PRKCI: variants seen among roughly 807,000 people sequenced by gnomAD.
PRKCI encodes the protein protein kinase C iota type.
Under a neutral mutation model 84.0 loss-of-function variants are expected in PRKCI, and 43 were observed. The ratio of observed to expected loss-of-function variants is 0.51; its 90% CI spans 0.40 to 0.66. PRKCI has a LOEUF of 0.66. Among genes scored for constraint, PRKCI ranks in the 30% least tolerant of loss-of-function variants. The pLI is 0.00. For missense variants in PRKCI, 459 were observed against 745.6 expected, an observed-to-expected ratio of 0.62 and a Z score of 4.48; for synonymous variants, 216 against 234.4, an observed-to-expected ratio of 0.92 and a Z score of 0.72.
rs770189346 is a variant in PRKCI at position 170,291,850 on chromosome 3, A to C, written c.1204-4A>C. On this transcript the variant is annotated splice_region_variant and splice_polypyrimidine_tract_variant and intron_variant, in intron 12 of 17. Transcript: ENST00000295797. Reference sequence around the variant, plus strand: ...TTCTTTCTTTCTGTTCTTTTTAATAAAAGGAAGGATTACGGCCAGGAGATA... The same window carrying C: ...TTCTTTCTTTCTGTTCTTTTTAATACAAGGAAGGATTACGGCCAGGAGATA... 3 of 1,593,172 alleles carry C rather than the reference A, an allele frequency of 1.9e-6. No individual in the cohort carries two copies. Among genetic ancestry groups the C allele is most frequent in the Middle Eastern group, 1.7e-4 (1 of 5,998 alleles).
intron 12 of PRKCI, among the ~76,000 whole-genome samples, chr3:170,288,401 A>G (rs2108863151): frequency 6.6e-6 from 1 of 152,316 alleles, no homozygotes; most frequent in East Asian, 1.9e-4. Flanking sequence ...TTTATCGAGT[A>G]GGTCTTTAAA....
intron 11 of PRKCI, among the ~76,000 whole-genome samples, chr3:170,283,488 G>T (rs1368654511): frequency 1.3e-5 from 2 of 152,070 alleles, no homozygotes; most frequent in Non-Finnish European, 2.9e-5. Context: ...GCCAACCTGG[G>T]TTTTTTGTTT....
intron 16 of PRKCI, among the ~76,000 whole-genome samples, chr3:170,298,281 C>T (rs781532403): frequency 6.6e-6 from 1 of 152,030 alleles, no homozygotes; most frequent in African/African-American, 2.4e-5. Flanking sequence ...AGTCCGTTGC[C>T]CAGGCTGTAG....
intron 13 of PRKCI, among the ~76,000 whole-genome samples, chr3:170,293,092 A>G (rs1734601438): frequency 6.6e-6 from 1 of 151,912 alleles, no homozygotes; most frequent in Non-Finnish European, 1.5e-5. Context: ...CAATTTAATT[A>G]TATCCTCAAC....
At chr3:170,277,352 C>CA (rs1242875774) in intron 8 of PRKCI, among the ~76,000 whole-genome samples, 2 of 151,954 alleles carry the variant, frequency 1.3e-5, no homozygotes, top group African/African-American at 4.8e-5. Context: ...CACTAATTAT[C>CA]AGAGAAATAG....
intron 16 of PRKCI, among the ~76,000 whole-genome samples, chr3:170,297,850 CAAA>C (rs778157174): frequency 1.1e-4 from 16 of 148,662 alleles, no homozygotes; most frequent in Non-Finnish European, 1.2e-4. Context: ...ACTTTTAAAA[CAAA>C]AAAAAAATTC....
intron 2 of PRKCI, among the ~76,000 whole-genome samples, chr3:170,242,891 G>T (rs891388333): frequency 1.3e-5 from 2 of 151,868 alleles, no homozygotes; most frequent in African/African-American, 2.4e-5. Flanking sequence ...GGCTGGTCTC[G>T]AACTCCAGAC....
chr3:170,235,216 C>CT lies in PRKCI; in HGVS notation c.102-10dup, dbSNP rs759436279. 2.5e-6 allele frequency: 4 copies of CT among 1,610,852 alleles called. No individual in the cohort carries two copies. The highest frequency in any genetic ancestry group is 3.4e-6 in the Non-Finnish European group (4 of 1,177,658). On this transcript the variant is annotated splice_polypyrimidine_tract_variant and intron_variant, in intron 1 of 17. Coordinates refer to ENST00000295797, the MANE Select transcript of PRKCI (RefSeq NM_002740.6). The stretch of plus-strand genomic sequence containing the variant: ...TTAATCATTTTCAAACTGAAAACTC[C>CT]TTTTCTTTTTCAGGGATATCATGAT...
chr3:170,293,559 T>A, intron 14 of PRKCI, 51 bp downstream of exon 14: 2 of 1,567,928 alleles, frequency 1.3e-6, no homozygotes, highest in Non-Finnish European at 1.7e-6. Flanking sequence ...TATTCTAGAG[T>A]ACAAATGAGA....
At chr3:170,250,691 G>A (rs73034353) in intron 2 of PRKCI, among the ~76,000 whole-genome samples, 5,476 of 152,126 alleles carry the variant, frequency 0.036, 161 homozygotes, top group East Asian at 0.085. Context: ...GAGTAATGTT[G>A]CTACGAACAT....
Position 170,222,714 on chromosome 3 carries a change from A to AGGC in PRKCI, c.52_54dup (p.Gly18dup), listed in dbSNP as rs766369418. 1 of 1,607,126 alleles carries AGGC rather than the reference A, an allele frequency of 6.2e-7. No homozygotes were observed. The highest frequency in any genetic ancestry group is 1.3e-5 in the African/African-American group (1 of 74,682). On this transcript the variant is annotated inframe_insertion, in exon 1 of 18. Coordinates refer to ENST00000295797, the MANE Select transcript of PRKCI (RefSeq NM_002740.6). ...GCAGCACCATGTCCCACACGGTCGCAGGCGGCGGCAGCGGGGACCATTCCC... is the reference window on the plus strand; with the variant it reads ...GCAGCACCATGTCCCACACGGTCGCAGGCGGCGGCGGCAGCGGGGACCATTCCC...
chr3:170,271,050 A>C (rs933251872), intron 6 of PRKCI, among the ~76,000 whole-genome samples: 1 of 152,192 alleles, frequency 6.6e-6, no homozygotes, highest in African/African-American at 2.4e-5. Context: ...CGAAAAAAAT[A>C]CAGAATACAG....
chr3:170,278,221 T>C (rs955403878), intron 8 of PRKCI, among the ~76,000 whole-genome samples: 2 of 152,216 alleles, frequency 1.3e-5, no homozygotes, highest in African/African-American at 4.8e-5. Context: ...GATTCTCTCT[T>C]ATAGTTTCCA....
chr3:170,234,223 G>T (rs372237203), intron 1 of PRKCI, among the ~76,000 whole-genome samples: 27 of 151,444 alleles, frequency 1.8e-4, no homozygotes, highest in African/African-American at 6.5e-4. Context: ...TAGAGTCAGG[G>T]TTTCTCCATA....
intron 4 of PRKCI, among the ~76,000 whole-genome samples, chr3:170,266,693 C>A (rs1460580004): frequency 6.6e-6 from 1 of 152,116 alleles, no homozygotes; most frequent in Non-Finnish European, 1.5e-5. Context: ...AAAAAGTGAG[C>A]TTTGAAAGTC....
At chr3:170,238,332 C>T (rs920860846) in intron 2 of PRKCI, among the ~76,000 whole-genome samples, 3 of 151,842 alleles carry the variant, frequency 2.0e-5, no homozygotes, top group African/African-American at 7.3e-5. Context: ...CGTTGTACTC[C>T]TGCCTGGGCA....
intron 8 of PRKCI, among the ~76,000 whole-genome samples, chr3:170,278,718 A>G (rs1164646237): frequency 2.0e-5 from 3 of 152,200 alleles, no homozygotes; most frequent in African/African-American, 7.2e-5. Context: ...TTTATACAAG[A>G]TTTATTTGGT....
intron 14 of PRKCI, 64 bp from the exon 15 acceptor site, chr3:170,295,847 A>G (rs1734675289): frequency 1.0e-6 from 1 of 1,000,842 alleles, no homozygotes; most frequent in Non-Finnish European, 1.4e-6. Flanking sequence ...CCTTTCAAAA[A>G]AGAAGAAAAA....
At chr3:170,292,350 G>A (rs1299857561) in intron 13 of PRKCI, among the ~76,000 whole-genome samples, 1 of 152,170 alleles carries the variant, frequency 6.6e-6, no homozygotes, top group Non-Finnish European at 1.5e-5. Context: ...TGTGACTCCA[G>A]AGTCATGAAC....
Sources: gnomAD v4.1 joint callset for allele counts (sites outside exome capture counted in the v4.1 genomes callset) on GRCh38, gnomAD v4.1.1 for gene constraint, MANE v1.5 for transcripts, NCBI Gene and HGNC (gene_info 2026-07-23, HGNC 2026-07-21) for gene names.